ANKRD30A: variants seen among roughly 807,000 people sequenced by gnomAD.
ANKRD30A encodes the protein ankyrin repeat domain 30A.
ANKRD30A carries 170 observed loss-of-function variants against 166.3 expected under a neutral mutation model. That is an observed-to-expected ratio of 1.02 (90% CI 0.90 to 1.16). The LOEUF (loss-of-function observed/expected upper bound fraction) is 1.16, where lower values mean the gene tolerates loss of function less well. ANKRD30A is among the 50% of genes most tolerant of loss of function. ANKRD30A has a pLI of 0.00. For synonymous variants in ANKRD30A, 564 were observed against 508.9 expected (o/e 1.11, Z -1.46); for missense variants, 1,630 against 1,518.0 (o/e 1.07, Z -1.23).
At chr10:37,218,710 A>G (rs763496023) in intron 33 of ANKRD30A, among the ~76,000 whole-genome samples, 49 of 150,694 alleles carry the variant, frequency 3.3e-4, no homozygotes, top group Non-Finnish European at 6.1e-4. Context: ...AATTCAGGGA[A>G]AGTTTTTTTT....
intron 7 of ANKRD30A, 75 bp downstream of exon 7, chr10:37,142,365 G>C: frequency 7.3e-7 from 1 of 1,369,068 alleles, no homozygotes. Flanking sequence ...TGATATGGGA[G>C]TAGTTGGGAA....
In ANKRD30A at chr10:37,231,411, A is replaced by T. The variant is rs780616321; in HGVS notation, c.4186-50A>T. ...TTTAAATACAAGTCCTTTTCTAATT[A>T]TGTAGGAAAAAATAAAATACTAAGC... On this transcript the variant is annotated intron_variant, in intron 34 of 35. Transcript: ENST00000361713. 15 of 1,505,718 alleles carry T rather than the reference A, an allele frequency of 1.0e-5. No individual in the cohort carries two copies. In the East Asian group the frequency reaches 3.5e-4, roughly 35 times the overall value. 93.3% of individuals were successfully genotyped at this position (1,505,718 alleles called of 1,614,324 possible). A position where few individuals can be genotyped will look rare whatever the true frequency, so the allele number is the denominator to read the frequency against.
At chr10:37,249,132 G>A in the ANKRD30A span, among the ~76,000 whole-genome samples, 1 of 152,156 alleles carries the variant, frequency 6.6e-6, no homozygotes, top group Non-Finnish European at 1.5e-5. Context: ...AGTCTCTGAG[G>A]CCCTGGCTTC....
intron 31 of ANKRD30A, among the ~76,000 whole-genome samples, chr10:37,214,274 T>G (rs1842492472): frequency 6.6e-6 from 1 of 151,624 alleles, no homozygotes; most frequent in African/African-American, 2.4e-5. Flanking sequence ...TGTTTCATCT[T>G]TAATCAATTT....
chr10:37,134,579 G>T (rs1836564231), intron 5 of ANKRD30A, among the ~76,000 whole-genome samples: 1 of 152,138 alleles, frequency 6.6e-6, no homozygotes, highest in Non-Finnish European at 1.5e-5. Flanking sequence ...TCCATATGTA[G>T]ATTTCAAAGT....
chr10:37,125,924 C>A lies in ANKRD30A; in HGVS notation c.137C>A (p.Ala46Asp). Residue 46 changes from alanine (A) to aspartate (D), a missense_variant, in exon 1 of 36, where the codon GCC becomes GAC. Ala to Asp is a moderately radical substitution (Grantham distance 126, BLOSUM62 -2). This residue lies in a region of ANKRD30A where 904 missense variants were observed against 818.5 expected (regional missense o/e 1.10). Coordinates refer to ENST00000361713, the MANE Select transcript of ANKRD30A (RefSeq NM_052997.3). ...SGDLRKIHKA[A>D]SRGQVRKLEK... is the part of the protein sequence containing the mutation. ...GATCTTAGAAAGATCCATAAAGCTGCCTCCCGGGGACAAGTCCGGAAGCTG... is the reference window on the plus strand; with the variant it reads ...GATCTTAGAAAGATCCATAAAGCTGACTCCCGGGGACAAGTCCGGAAGCTG... The A allele has an allele frequency of 6.2e-7, 1 of 1,610,610 alleles. No homozygotes were observed. Among genetic ancestry groups the A allele is most frequent in the Non-Finnish European group, 8.5e-7 (1 of 1,178,660 alleles).
Position 37,125,727 on chromosome 10 carries a change from G to C in ANKRD30A, c.-61G>C, listed in dbSNP as rs563837945. ...GCGAGGGCGATTGGGGAGGGGTGGG[G>C]GGTGGTGGCTGGGAAGGGCGATCGG... On this transcript the variant is annotated 5_prime_UTR_variant, in exon 1 of 36. Coordinates refer to ENST00000361713, the MANE Select transcript of ANKRD30A (RefSeq NM_052997.3). 3 of 566,784 alleles carry C rather than the reference G, an allele frequency of 5.3e-6. No individual in the cohort carries two copies. The highest frequency in any genetic ancestry group is 3.8e-5 in the African/African-American group (2 of 53,066). The allele number at this position is 566,784 out of a possible 1,614,324, so 35.1% of individuals were successfully genotyped here. A position where few individuals can be genotyped will look rare whatever the true frequency, so the allele number is the denominator to read the frequency against.
At chr10:37,191,114 T>C (rs945311964) in intron 25 of ANKRD30A, among the ~76,000 whole-genome samples, 1 of 151,898 alleles carries the variant, frequency 6.6e-6, no homozygotes, top group Non-Finnish European at 1.5e-5. Flanking sequence ...CTGTTGCAAC[T>C]AAATTTAAAT....
At chr10:37,265,733 C>A in the ANKRD30A span, among the ~76,000 whole-genome samples, 3 of 152,206 alleles carry the variant, frequency 2.0e-5, no homozygotes, top group Non-Finnish European at 4.4e-5. Flanking sequence ...TGCTGGGGCA[C>A]AGAACCCAGG....
intron 32 of ANKRD30A, among the ~76,000 whole-genome samples, chr10:37,216,733 T>C (rs1009372534): frequency 2.0e-5 from 3 of 151,272 alleles, no homozygotes; most frequent in African/African-American, 7.3e-5. Flanking sequence ...TTTCTACTTT[T>C]CTAATTATTG....
At chr10:37,159,847 A>G (rs1838712265) in intron 15 of ANKRD30A, among the ~76,000 whole-genome samples, 1 of 152,036 alleles carries the variant, frequency 6.6e-6, no homozygotes, top group Non-Finnish European at 1.5e-5. Flanking sequence ...GGCGCCTGCC[A>G]CCATGCCCGG....
intron 29 of ANKRD30A, among the ~76,000 whole-genome samples, chr10:37,197,834 G>A (rs371243874): frequency 2.0e-5 from 3 of 151,472 alleles, no homozygotes; most frequent in Non-Finnish European, 2.9e-5. Context: ...GGTTTATTTC[G>A]GGGATCCCAT....
chr10:37,240,159 A>C, the ANKRD30A span, among the ~76,000 whole-genome samples: 7 of 152,130 alleles, frequency 4.6e-5, no homozygotes, highest in African/African-American at 1.7e-4. Context: ...GAAAGATATA[A>C]ACACATACTC....
intron 13 of ANKRD30A, among the ~76,000 whole-genome samples, chr10:37,155,867 G>A (rs1022372942): frequency 6.6e-6 from 1 of 152,086 alleles, no homozygotes; most frequent in African/African-American, 2.4e-5. Context: ...GGATCACAAG[G>A]TTAGGAGATC....
At position 37,219,673 on chromosome 10, in the gene ANKRD30A, C is replaced by T; in HGVS notation, c.3961C>T (p.Gln1321Ter). The T allele has an allele frequency of 1.2e-6, 2 of 1,609,392 alleles. No individual in the cohort carries two copies. Among genetic ancestry groups the T allele is most frequent in the Non-Finnish European group, 1.7e-6 (2 of 1,177,224 alleles). Residue 1321 changes from glutamine to a stop codon, truncating the protein, a stop_gained, in exon 34 of 36, where the codon CAG (glutamine) becomes TAG (stop). Transcript: ENST00000361713. LOFTEE classifies it high-confidence loss of function. Reference protein sequence around the residue: ...KHTEQQESLDQKLFQLQSKNM... With the variant: ...KHTEQQESLD The stretch of plus-strand genomic sequence containing the variant: ...CACTGAACAGCAGGAGTCTCTAGAT[C>T]AGAAATTATTTCAACTACAAAGCAA...
At chr10:37,206,305 A>T (rs1782099) in intron 31 of ANKRD30A, among the ~76,000 whole-genome samples, 60,755 of 151,850 alleles carry the variant, frequency 0.4, 12,430 homozygotes, top group Admixed American at 0.43. Flanking sequence ...AGAAGATGAG[A>T]TTGTGTGTGC....
intron 34 of ANKRD30A, among the ~76,000 whole-genome samples, chr10:37,230,423 C>G (rs1039144970): frequency 1.3e-5 from 2 of 151,940 alleles, no homozygotes; most frequent in Admixed American, 1.3e-4. Flanking sequence ...TATGTCTCTT[C>G]CGCATTTGTT....
intron 18 of ANKRD30A, 107 bp downstream of exon 18, chr10:37,165,262 A>C (rs1031580609): frequency 4.7e-6 from 5 of 1,052,792 alleles, no homozygotes; most frequent in Non-Finnish European, 7.0e-6. Flanking sequence ...TCACCCTCAA[A>C]TTATTTTTGA....
Position 37,125,756 on chromosome 10 carries a change from G to T in ANKRD30A, c.-32G>T. The T allele has an allele frequency of 1.7e-6, 1 of 592,704 alleles. No homozygotes were observed. Among genetic ancestry groups the T allele is most frequent in the Non-Finnish European group, 3.0e-6 (1 of 328,250 alleles). The allele number at this position is 592,704 out of a possible 1,614,324, so 36.7% of individuals were successfully genotyped here. ...GGTGGCTGGGAAGGGCGATCGGGAG[G>T]CGCGGGCACTCTCTAGCAGGTGGCC... On this transcript the variant is annotated 5_prime_UTR_variant, in exon 1 of 36. Transcript: ENST00000361713.
Sources: gnomAD v4.1 joint callset for allele counts (sites outside exome capture counted in the v4.1 genomes callset) on GRCh38, gnomAD v4.1.1 for gene constraint, gnomAD v4.1.1 regional missense constraint, MANE v1.5 for transcripts, NCBI Gene and HGNC (gene_info 2026-07-23, HGNC 2026-07-21) for gene names.